Variants in ZNF280D observed in about 807,000 individuals in gnomAD.
ZNF280D encodes zinc finger protein 280D, also known as suppressor of hairy wing homolog 4.
Under a neutral mutation model 94.7 loss-of-function variants are expected in ZNF280D, and 39 were observed. That is an observed-to-expected ratio of 0.41 (90% confidence interval 0.32 to 0.54). ZNF280D has a LOEUF of 0.54. Among genes scored for constraint, ZNF280D ranks in the 20% least tolerant of loss-of-function variants. ZNF280D has a pLI of 0.22. For missense variants in ZNF280D, 1,090 were observed against 1,149.3 expected (o/e 0.95, Z 0.75); for synonymous variants, 398 against 377.6 (o/e 1.05, Z -0.63).
At chr15:56,641,655 C>T (rs1237680834) in intron 20 of ZNF280D, among the ~76,000 whole-genome samples, 3 of 151,770 alleles carry the variant, frequency 2.0e-5, no homozygotes, top group African/African-American at 7.2e-5. Flanking sequence ...GCATTTTCTT[C>T]TGTTAAATTA....
chr15:56,647,341 C>T (rs2052952202), intron 19 of ZNF280D, among the ~76,000 whole-genome samples: 1 of 152,036 alleles, frequency 6.6e-6, no homozygotes, highest in African/African-American at 2.4e-5. Context: ...AAATGCCTGC[C>T]CTGGCTGGTA....
At chr15:56,729,218 C>T (rs544242960) in intron 1 of ZNF280D, among the ~76,000 whole-genome samples, 19 of 152,218 alleles carry the variant, frequency 1.2e-4, no homozygotes, top group African/African-American at 4.3e-4. Context: ...TTGATATATA[C>T]GAAATGACAG....
chr15:56,639,540 A>C (rs1251802551), intron 20 of ZNF280D, among the ~76,000 whole-genome samples: 1 of 152,146 alleles, frequency 6.6e-6, no homozygotes, highest in Non-Finnish European at 1.5e-5. Flanking sequence ...ATAATCACTA[A>C]AGTTTCCAAA....
chr15:56,707,365 T>G, intron 1 of ZNF280D, 59 bp from the exon 2 acceptor site: 7 of 1,412,126 alleles, frequency 5.0e-6, no homozygotes, highest in Non-Finnish European at 6.6e-6. Flanking sequence ...TGTATACATA[T>G]TTAATCTTTT....
At chr15:56,665,973 T>C (rs552449831) in intron 16 of ZNF280D, among the ~76,000 whole-genome samples, 2 of 152,032 alleles carry the variant, frequency 1.3e-5, no homozygotes, top group East Asian at 3.9e-4. Flanking sequence ...CTGTCTCTAC[T>C]AAAAATCCAA....
intron 9 of ZNF280D, among the ~76,000 whole-genome samples, chr15:56,686,242 G>A (rs571284400): frequency 3.4e-4 from 52 of 152,170 alleles, no homozygotes; most frequent in Non-Finnish European, 6.3e-4. Flanking sequence ...AGGTTCAAGC[G>A]ATTCTCTCGC....
At chr15:56,727,218 C>G (rs1308764351) in intron 1 of ZNF280D, among the ~76,000 whole-genome samples, 1 of 88,560 alleles carries the variant, frequency 1.1e-5, no homozygotes, top group African/African-American at 5.0e-5. Flanking sequence ...GCCTGTAATC[C>G]CAGCACTTTG....
intron 6 of ZNF280D, among the ~76,000 whole-genome samples, chr15:56,695,823 C>T (rs959936403): frequency 2.0e-5 from 3 of 151,970 alleles, no homozygotes; most frequent in Non-Finnish European, 4.4e-5. Flanking sequence ...GCACTGCACC[C>T]GGCCAAATTA....
At chr15:56,678,871 G>C in intron 10 of ZNF280D, 50 bp from the exon 11 acceptor site, 1 of 1,419,306 alleles carries the variant, frequency 7.0e-7, no homozygotes, top group Non-Finnish European at 9.3e-7. Flanking sequence ...AAAACAAAAA[G>C]GAAATCTCAC....
At position 56,668,927 on chromosome 15, in the gene ZNF280D, T is replaced by G. The variant is rs1408851309; in HGVS notation, c.1441A>C (p.Arg481=). 1 of 1,611,770 alleles carries G rather than the reference T, an allele frequency of 6.2e-7. No individual in the cohort carries two copies. The highest frequency in any genetic ancestry group is 2.2e-5 in the East Asian group (1 of 44,726). Residue 481 remains arginine, a synonymous_variant, in exon 14 of 22, where the codon AGG becomes CGG. Coordinates refer to ENST00000267807, the MANE Select transcript of ZNF280D (RefSeq NM_017661.4). ...KKGIHRCTKC[R]LQFLTCKEKM... ...TCCTTGCATGTCAAAAACTGCAGCC[T>G]GCATTTTGTACAACGATGTATTCCT...
In ZNF280D at chr15:56,676,766, T is replaced by C. The variant is rs142927816; in HGVS notation, c.1314A>G (p.Arg438=). Residue 438 remains arginine, a synonymous_variant, in exon 13 of 22, where the codon AGA becomes AGG. Transcript: ENST00000267807. ...SSFSDVETHF[R]TSHENTKNLL... ...AGTTCTTAGTGTTTTCATGGGATGT[T>C]CTAAAATGAGTTTCTACATCAGAAA... 5.5e-4 allele frequency: 883 copies of C among 1,609,338 alleles called. 2 individuals are homozygous for C. Among genetic ancestry groups the C allele is most frequent in the Non-Finnish European group, 6.9e-4 (818 of 1,177,164 alleles).
At chr15:56,667,293 C>T (rs1374712143) in intron 14 of ZNF280D, among the ~76,000 whole-genome samples, 1 of 151,904 alleles carries the variant, frequency 6.6e-6, no homozygotes, top group Non-Finnish European at 1.5e-5. Flanking sequence ...ATTTTTATGC[C>T]CTGACTTAAC....
chr15:56,664,280 T>C (rs2054145846), intron 16 of ZNF280D, among the ~76,000 whole-genome samples: 1 of 152,134 alleles, frequency 6.6e-6, no homozygotes, highest in African/African-American at 2.4e-5. Flanking sequence ...CAAACACTTT[T>C]TACAAATGTT....
At chr15:56,663,983 T>G (rs143923618) in intron 16 of ZNF280D, among the ~76,000 whole-genome samples, 5,466 of 152,310 alleles carry the variant, frequency 0.036, 341 homozygotes, top group Admixed American at 0.16. Context: ...ATTGTATGCT[T>G]GTAACAAAAT....
intron 1 of ZNF280D, among the ~76,000 whole-genome samples, chr15:56,722,744 C>T (rs983339901): frequency 1.3e-5 from 2 of 151,966 alleles, no homozygotes; most frequent in South Asian, 2.1e-4. Context: ...ACCCAAAGGA[C>T]TATAAATCAT....
chr15:56,717,169 T>C (rs2058092219), intron 1 of ZNF280D, among the ~76,000 whole-genome samples: 4 of 151,900 alleles, frequency 2.6e-5, no homozygotes, highest in Admixed American at 2.6e-4. Flanking sequence ...AGAGGGAGAG[T>C]CTTAATCAAA....
At chr15:56,704,301 T>G (rs937086055) in intron 3 of ZNF280D, 34 bp from the exon 4 acceptor site, 5 of 1,565,886 alleles carry the variant, frequency 3.2e-6, no homozygotes, top group Non-Finnish European at 4.3e-6. Flanking sequence ...AAACCTCATT[T>G]TTGAAAATAA....
chr15:56,636,416 G>A (rs1028295773), intron 20 of ZNF280D, among the ~76,000 whole-genome samples: 19 of 151,262 alleles, frequency 1.3e-4, no homozygotes, highest in Non-Finnish European at 1.3e-4. Context: ...CTCCTTCCCC[G>A]CAACTTACAC....
At position 56,689,446 on chromosome 15, in the gene ZNF280D, G is replaced by C; in HGVS notation, c.524C>G (p.Ser175Ter). Residue 175 changes from serine to a stop codon, truncating the protein, a stop_gained, in exon 8 of 22, where the codon TCA becomes TGA. Coordinates refer to ENST00000267807, the MANE Select transcript of ZNF280D (RefSeq NM_017661.4). LOFTEE classifies it high-confidence loss of function. Reference sequence around the variant, plus strand: ...TACTTCAGAAGTAGAAGGACGTTTTGATAAAAATGAACTTTCACTCATACC... The same window carrying C: ...TACTTCAGAAGTAGAAGGACGTTTTCATAAAAATGAACTTTCACTCATACC... ...MAGMSESSFL[S>*]KRPSTSEVNN... is the part of the protein sequence containing the mutation. 6.4e-7 allele frequency: 1 copy of C among 1,562,014 alleles called. No individual in the cohort carries two copies. Among genetic ancestry groups the C allele is most frequent in the African/African-American group, 1.4e-5 (1 of 73,072 alleles).
Sources: allele counts gnomAD v4.1 joint callset (sites outside exome capture counted in the v4.1 genomes callset), GRCh38; gene constraint gnomAD v4.1.1; transcripts MANE v1.5; gene names NCBI Gene and HGNC (gene_info 2026-07-23, HGNC 2026-07-21).